The following MAP7D2 variants were observed in gnomAD, a reference collection of about 807,000 sequenced individuals.
The protein encoded by MAP7D2 is MAP7 domain containing 2.
A neutral mutation model predicts 63.5 loss-of-function variants in MAP7D2; 33 were observed. That is an observed-to-expected ratio of 0.52 (90% CI 0.39 to 0.70). The LOEUF (loss-of-function observed/expected upper bound fraction) is 0.70, where lower values mean the gene tolerates loss of function less well. Ranked by LOEUF, MAP7D2 falls within the 30% of genes least tolerant of loss-of-function variation. The pLI is 0.00. For synonymous variants in MAP7D2, 224 were observed against 223.7 expected, an observed-to-expected ratio of 1.00 and a Z score of -0.01; for missense variants, 626 against 604.0, an observed-to-expected ratio of 1.04 and a Z score of -0.38.
intron 1 of MAP7D2, among the ~76,000 whole-genome samples, chrX:20,112,107 C>T (rs188267572): frequency 4.3e-4 from 48 of 111,811 alleles, no homozygotes; most frequent in African/African-American, 1.4e-3. Flanking sequence ...GAGGGTGGGA[C>T]GGATGAAGCG....
chrX:20,094,488 ATATATATATATATATATATATATATATG>A (rs1354938367), intron 1 of MAP7D2, among the ~76,000 whole-genome samples: 38 of 2,278 alleles, frequency 0.017, 1 homozygote, highest in East Asian at 0.045. Context: ...AAATACATAC[ATATATATATATATATATATATATATATG>A]TATATATATA....
chrX:20,016,217 TTTC>T lies in MAP7D2; in HGVS notation c.1518_1520del (p.Lys508del), dbSNP rs972518921. ...TTCTTTTCTCTTCCCCTTCCTGTTT[TTTC>T]TTTTCCTCTTCCTGCCGCTTCCTTT... On this transcript the variant is annotated inframe_deletion, in exon 11 of 17. Transcript: ENST00000379643. 2 of 1,199,102 alleles carry T rather than the reference TTTC, an allele frequency of 1.7e-6. No homozygotes were observed. The highest frequency in any genetic ancestry group is 2.2e-6 in the Non-Finnish European group (2 of 889,319).
Position 20,044,346 on chromosome X carries a change from G to A in MAP7D2, c.879+18C>T, listed in dbSNP as rs1258653375. On this transcript the variant is annotated intron_variant, in intron 7 of 16. Transcript: ENST00000379643. Reference sequence around the variant, plus strand: ...ACACAGTCTAGAGGAGTGAGTGGGTGGGTGGTTTTAAACCTACCAGAGAGG... The same window carrying A: ...ACACAGTCTAGAGGAGTGAGTGGGTAGGTGGTTTTAAACCTACCAGAGAGG... 1.7e-6 allele frequency: 2 copies of A among 1,202,918 alleles called. No homozygotes were observed. The highest frequency in any genetic ancestry group is 1.8e-5 in the African/African-American group (1 of 57,006).
intron 10 of MAP7D2, chrX:20,017,218 G>A (rs765909655): frequency 1.8e-5 from 2 of 114,158 alleles, no homozygotes; most frequent in Admixed American, 9.4e-5. Flanking sequence ...TAAAAAATGG[G>A]AAAAGCTATA....
chrX:20,011,975 A>G (rs1454776083), intron 15 of MAP7D2, among the ~76,000 whole-genome samples: 1 of 112,125 alleles, frequency 8.9e-6, no homozygotes, highest in African/African-American at 3.2e-5. Context: ...GAGATCTTAG[A>G]GAAGAATCTA....
intron 1 of MAP7D2, among the ~76,000 whole-genome samples, chrX:20,070,198 C>T (rs1360525033): frequency 9.0e-6 from 1 of 111,571 alleles, no homozygotes; most frequent in Non-Finnish European, 1.9e-5. Context: ...CTGCCCACCT[C>T]GGCCTCCCAA....
chrX:20,052,753 A>T, intron 5 of MAP7D2, 125 bp downstream of exon 5: 1 of 546,379 alleles, frequency 1.8e-6, no homozygotes, highest in Non-Finnish European at 3.1e-6. Flanking sequence ...CATTCAGACC[A>T]CAAGACTAGG....
chrX:20,101,546 T>C (rs1427088227), intron 1 of MAP7D2, among the ~76,000 whole-genome samples: 1 of 112,353 alleles, frequency 8.9e-6, no homozygotes, highest in East Asian at 2.8e-4. Flanking sequence ...ATTCCACTTC[T>C]AGGTATGTAC....
rs1281405546 is a variant in MAP7D2, at chrX:20,094,523, T to C, written c.130+22227A>G. Among the ~76,000 whole-genome samples, 8 of 13,214 alleles carry C rather than the reference T, an allele frequency of 6.1e-4. 1 individual carries two copies. The highest frequency in any genetic ancestry group is 4.0e-3 in the East Asian group (2 of 504). 11.5% of individuals were successfully genotyped at this position (13,214 alleles called of 115,157 possible). A position where few individuals can be genotyped will look rare whatever the true frequency, so the allele number is the denominator to read the frequency against. On this transcript the variant is annotated intron_variant, in intron 1 of 16. Coordinates refer to ENST00000379643, the MANE Select transcript of MAP7D2 (RefSeq NM_001168465.2). The stretch of plus-strand genomic sequence containing the variant: ...ATATATATATATATATATGTATATA[T>C]ATATATATATATATATATGTATATA...
intron 1 of MAP7D2, among the ~76,000 whole-genome samples, chrX:20,086,376 G>A (rs1159735066): frequency 8.9e-6 from 1 of 112,072 alleles, no homozygotes; most frequent in Non-Finnish European, 1.9e-5. Flanking sequence ...TCAGCTACAC[G>A]ATAAATGAAT....
chrX:20,029,827 A>T (rs1162340454), intron 8 of MAP7D2, among the ~76,000 whole-genome samples: 4 of 110,769 alleles, frequency 3.6e-5, no homozygotes, highest in Admixed American at 9.6e-5. Flanking sequence ...AAAATACAGA[A>T]TTAAAAAAAA....
intron 1 of MAP7D2, among the ~76,000 whole-genome samples, chrX:20,086,667 G>A (rs934555573): frequency 9.0e-6 from 1 of 111,679 alleles, no homozygotes; most frequent in African/African-American, 3.3e-5. Context: ...AAGAGATTTC[G>A]ACAACAGCCA....
intron 1 of MAP7D2, among the ~76,000 whole-genome samples, chrX:20,107,213 T>G (rs1361387712): frequency 1.8e-5 from 2 of 110,495 alleles, no homozygotes; most frequent in Non-Finnish European, 3.8e-5. Flanking sequence ...TGGTTGGTTG[T>G]TTTGCCAAAT....
At chrX:20,096,081 C>CAAAAAAAA (rs1208579984) in intron 1 of MAP7D2, among the ~76,000 whole-genome samples, 8 of 14,852 alleles carry the variant, frequency 5.4e-4, no homozygotes, top group Non-Finnish European at 7.2e-4. Context: ...GACTCTTCCT[C>CAAAAAAAA]AAAAAAAAAA....
In MAP7D2 at chrX:20,015,949, C is replaced by A. The variant is rs1421986223; in HGVS notation, c.1644+145G>T. ...AACATTACCAACTTCACTGCAACTGCCCCAACTTATATTTAATAACCAGCC... is the reference window on the plus strand; with the variant it reads ...AACATTACCAACTTCACTGCAACTGACCCAACTTATATTTAATAACCAGCC... On this transcript the variant is annotated intron_variant, in intron 11 of 16. Transcript: ENST00000379643. The A allele has an allele frequency of 8.8e-6, 5 of 567,191 alleles. No homozygotes were observed. In the African/African-American group the frequency reaches 9.2e-5, roughly 10 times the overall value. The allele number at this position is 567,191 out of a possible 1,213,427, so 46.7% of individuals were successfully genotyped here.
chrX:20,115,648 G>T (rs981121540), intron 1 of MAP7D2, among the ~76,000 whole-genome samples: 53 of 111,491 alleles, frequency 4.8e-4, no homozygotes, highest in Admixed American at 1.4e-3. Context: ...CTCCTCCTAA[G>T]AATGATGCAA....
Position 20,007,913 on chromosome X carries a change from G to C in MAP7D2, c.*512C>G, listed in dbSNP as rs1293377822. The C allele has an allele frequency of 8.9e-6, 1 of 112,283 alleles. No homozygotes were observed. Among genetic ancestry groups the C allele is most frequent in the Non-Finnish European group, 1.9e-5 (1 of 53,278 alleles). The allele number at this position is 112,283 out of a possible 1,213,427, so 9.3% of individuals were successfully genotyped here. A position where few individuals can be genotyped will look rare whatever the true frequency, so the allele number is the denominator to read the frequency against. ...CTTCTTGATACTGCTTTCCAACAGA[G>C]AAACTCTGGAGATGGGGAACCTCCT... On this transcript the variant is annotated 3_prime_UTR_variant, in exon 17 of 17. Transcript: ENST00000379643.
At chrX:20,015,969 C>T in intron 11 of MAP7D2, 125 bp downstream of exon 11, 1 of 631,773 alleles carries the variant, frequency 1.6e-6, no homozygotes. Flanking sequence ...TATTTAATAA[C>T]CAGCCCAGAC....
intron 13 of MAP7D2, 47 bp from the exon 14 acceptor site, chrX:20,013,179 C>T (rs375504310): frequency 3.9e-6 from 4 of 1,013,104 alleles, no homozygotes; most frequent in African/African-American, 3.8e-5. Context: ...GCTGACATCA[C>T]ACAGAAAAAA....
Sources: gnomAD v4.1 joint callset for allele counts (sites outside exome capture counted in the v4.1 genomes callset) on GRCh38, gnomAD v4.1.1 for gene constraint, MANE v1.5 for transcripts, NCBI Gene and HGNC (gene_info 2026-07-23, HGNC 2026-07-21) for gene names.